GPC6: variants seen among roughly 807,000 people sequenced by gnomAD.
GPC6 encodes the protein glypican-6.
Under a neutral mutation model 55.2 loss-of-function variants are expected in GPC6, and 14 were observed. That is an observed-to-expected ratio of 0.25 (90% CI 0.17 to 0.40). The LOEUF is 0.40. GPC6 is among the 10% of genes least tolerant of loss of function. GPC6 has a pLI of 1.00. For missense variants in GPC6, 641 were observed against 708.5 expected (o/e 0.90, Z 1.08); for synonymous variants, 278 against 259.6 (o/e 1.07, Z -0.68).
chr13:93,672,691 A>G (rs945532363), intron 2 of GPC6, among the ~76,000 whole-genome samples: 1 of 151,582 alleles, frequency 6.6e-6, no homozygotes, highest in Non-Finnish European at 1.5e-5. Flanking sequence ...ATATATATAT[A>G]TATAATCTCA....
chr13:93,496,077 G>C (rs1032532613), intron 1 of GPC6, among the ~76,000 whole-genome samples: 4 of 152,056 alleles, frequency 2.6e-5, no homozygotes, highest in African/African-American at 9.7e-5. Context: ...TGGCTGCTTT[G>C]TTTACCTAAG....
At chr13:93,464,906 A>G (rs1878849260) in intron 1 of GPC6, among the ~76,000 whole-genome samples, 2 of 152,202 alleles carry the variant, frequency 1.3e-5, no homozygotes. Flanking sequence ...TCATTGATCT[A>G]TGGGCTGCAG....
intron 3 of GPC6, among the ~76,000 whole-genome samples, chr13:94,020,274 C>T (rs535729961): frequency 7.4e-4 from 112 of 152,268 alleles, no homozygotes; most frequent in Non-Finnish European, 1.3e-3. Flanking sequence ...TTAATTTTCA[C>T]GTCCTTGTGA....
chr13:94,028,006 T>G (rs1882968708), intron 4 of GPC6, 112 bp downstream of exon 4: 1 of 1,006,690 alleles, frequency 9.9e-7, no homozygotes, highest in Non-Finnish European at 1.5e-6. Flanking sequence ...GGTTCACATC[T>G]GTAATCCCAG....
At chr13:93,752,745 A>G (rs900438254) in intron 2 of GPC6, among the ~76,000 whole-genome samples, 3 of 152,152 alleles carry the variant, frequency 2.0e-5, no homozygotes, top group Admixed American at 6.6e-5. Context: ...GACTCATGCC[A>G]CTGATGGCTG....
chr13:94,141,104 T>A (rs1887359935), intron 4 of GPC6, among the ~76,000 whole-genome samples: 2 of 152,084 alleles, frequency 1.3e-5, no homozygotes, highest in South Asian at 4.1e-4. Flanking sequence ...TGAGAAATTG[T>A]CACCAATGTG....
intron 2 of GPC6, among the ~76,000 whole-genome samples, chr13:93,652,190 A>T (rs1880448813): frequency 6.6e-6 from 1 of 152,172 alleles, no homozygotes; most frequent in South Asian, 2.1e-4. Context: ...GATTTTATAG[A>T]ACTATCTTCA....
intron 2 of GPC6, among the ~76,000 whole-genome samples, chr13:93,800,766 G>T (rs1886343349): frequency 6.6e-6 from 1 of 152,118 alleles, no homozygotes; most frequent in African/African-American, 2.4e-5. Context: ...TTCAAAATGT[G>T]CACTAAAAAT....
intron 1 of GPC6, among the ~76,000 whole-genome samples, chr13:93,517,170 T>A (rs2139393939): frequency 6.6e-6 from 1 of 152,268 alleles, no homozygotes; most frequent in Admixed American, 6.5e-5. Flanking sequence ...CACCTGATAC[T>A]TTTCCTCTTG....
chr13:93,542,436 A>G (rs1024661310), intron 1 of GPC6, among the ~76,000 whole-genome samples: 1 of 152,126 alleles, frequency 6.6e-6, no homozygotes, highest in African/African-American at 2.4e-5. Context: ...GCCTTGTAGT[A>G]TAGTTTGAAG....
chr13:93,441,815 C>T (rs1288794275), intron 1 of GPC6, among the ~76,000 whole-genome samples: 1 of 152,160 alleles, frequency 6.6e-6, no homozygotes, highest in Non-Finnish European at 1.5e-5. Context: ...CTCTGTCACT[C>T]AGGCTGAAGT....
At chr13:94,272,205 C>T (rs146500933) in intron 4 of GPC6, among the ~76,000 whole-genome samples, 3 of 151,892 alleles carry the variant, frequency 2.0e-5, no homozygotes, top group Admixed American at 6.6e-5. Flanking sequence ...ACAACACACC[C>T]GACTTTTCAT....
At chr13:94,219,287 G>A (rs556628471) in intron 4 of GPC6, among the ~76,000 whole-genome samples, 4 of 152,184 alleles carry the variant, frequency 2.6e-5, no homozygotes, top group South Asian at 4.1e-4. Context: ...AAATGGAGGC[G>A]AGGACTTCCT....
At chr13:93,719,345 A>G (rs1450404727) in intron 2 of GPC6, among the ~76,000 whole-genome samples, 4 of 151,978 alleles carry the variant, frequency 2.6e-5, no homozygotes, top group African/African-American at 9.7e-5. Flanking sequence ...CTTTGTAGCA[A>G]TTGAGAATGG....
chr13:93,923,233 C>G (rs1176432013), intron 3 of GPC6, among the ~76,000 whole-genome samples: 1 of 152,142 alleles, frequency 6.6e-6, no homozygotes, highest in Non-Finnish European at 1.5e-5. Flanking sequence ...ATGGTAGTAG[C>G]ATTATCATTT....
intron 3 of GPC6, among the ~76,000 whole-genome samples, chr13:93,881,656 A>T (rs972855682): frequency 1.3e-5 from 2 of 152,082 alleles, no homozygotes; most frequent in Non-Finnish European, 2.9e-5. Flanking sequence ...TTAGTCACCC[A>T]TGCATATGTA....
At chr13:93,465,892 G>A (rs375324390) in intron 1 of GPC6, among the ~76,000 whole-genome samples, 23 of 152,090 alleles carry the variant, frequency 1.5e-4, no homozygotes, top group African/African-American at 5.6e-4. Flanking sequence ...TGAATACTTA[G>A]AGGCCGTTGC....
At chr13:94,277,441 C>G (rs1892250072) in intron 4 of GPC6, among the ~76,000 whole-genome samples, 1 of 152,094 alleles carries the variant, frequency 6.6e-6, no homozygotes, top group Non-Finnish European at 1.5e-5. Context: ...TTAATTAGAT[C>G]CCATTTGTAA....
intron 2 of GPC6, among the ~76,000 whole-genome samples, chr13:93,562,362 T>C (rs1875858327): frequency 6.6e-6 from 1 of 152,158 alleles, no homozygotes; most frequent in South Asian, 2.1e-4. Flanking sequence ...ATATGAAATT[T>C]AGCAATTTCA....
Sources: allele counts gnomAD v4.1 joint callset (sites outside exome capture counted in the v4.1 genomes callset), GRCh38; gene constraint gnomAD v4.1.1; transcripts MANE v1.5; gene names NCBI Gene and HGNC (gene_info 2026-07-23, HGNC 2026-07-21).